Variants in RBFOX1 observed in about 807,000 individuals in gnomAD.
RBFOX1 encodes RNA binding protein fox-1 homolog 1.
In RBFOX1, 8 loss-of-function variants were observed where a neutral mutation model predicts 57.7. That is an observed-to-expected ratio of 0.14 (90% confidence interval 0.08 to 0.25). RBFOX1 has a LOEUF of 0.25. Among genes scored for constraint, RBFOX1 ranks in the 10% least tolerant of loss-of-function variants. The probability of loss-of-function intolerance (pLI) is 1.00; values close to 1 mark genes in which losing one functional copy is unlikely to be tolerated. For missense variants in RBFOX1, 611 were observed against 548.5 expected (o/e 1.11, Z -1.14); for synonymous variants, 326 against 222.4 (o/e 1.47, Z -4.15).
chr16:7,386,042 G>C (rs948977942), intron 4 of RBFOX1, among the ~76,000 whole-genome samples: 1 of 151,874 alleles, frequency 6.6e-6, no homozygotes. Context: ...ACACGGCTCA[G>C]CCTCCCAAAG....
At chr16:6,279,664 T>C (rs1036720626) in intron 1 of RBFOX1, among the ~76,000 whole-genome samples, 1 of 152,204 alleles carries the variant, frequency 6.6e-6, no homozygotes, top group Non-Finnish European at 1.5e-5. Context: ...AAACACACTA[T>C]TAACTATTAA....
chr16:7,650,027 A>AGAGGGAAGGACAG (rs1555715976), intron 11 of RBFOX1, among the ~76,000 whole-genome samples: 2 of 58,942 alleles, frequency 3.4e-5, no homozygotes, highest in African/African-American at 9.8e-5. Context: ...AAAGGAAGAA[A>AGAGGGAAGGACAG]GAGGGAGGGA....
intron 4 of RBFOX1, among the ~76,000 whole-genome samples, chr16:7,508,425 T>G (rs1046078244): frequency 6.6e-6 from 1 of 152,146 alleles, no homozygotes; most frequent in African/African-American, 2.4e-5. Flanking sequence ...GGACAAGAGC[T>G]TATGGTTTGT....
intron 3 of RBFOX1, among the ~76,000 whole-genome samples, chr16:6,975,963 T>TA (rs71147629): frequency 2.0e-5 from 3 of 151,842 alleles, no homozygotes; most frequent in Non-Finnish European, 4.4e-5. Flanking sequence ...CCATCTGTAC[T>TA]AAAAAATACA....
chr16:6,032,611 C>T (rs1040593849), intron 1 of RBFOX1, among the ~76,000 whole-genome samples: 1 of 151,980 alleles, frequency 6.6e-6, no homozygotes, highest in Admixed American at 6.6e-5. Context: ...AAATGCTTGT[C>T]TTAAAAAAAG....
At chr16:6,864,115 G>A (rs955883577) in intron 3 of RBFOX1, among the ~76,000 whole-genome samples, 2 of 151,830 alleles carry the variant, frequency 1.3e-5, no homozygotes, top group South Asian at 2.1e-4. Context: ...AGAAGAAAGC[G>A]AAGGAGTCTC....
intron 3 of RBFOX1, among the ~76,000 whole-genome samples, chr16:6,857,452 C>G (rs1169143001): frequency 6.6e-6 from 1 of 152,128 alleles, no homozygotes; most frequent in Non-Finnish European, 1.5e-5. Context: ...AGCCATTTTT[C>G]TATTTACATG....
At chr16:6,138,658 G>A (rs1264412885) in intron 1 of RBFOX1, among the ~76,000 whole-genome samples, 2 of 152,102 alleles carry the variant, frequency 1.3e-5, no homozygotes, top group Non-Finnish European at 2.9e-5. Flanking sequence ...ACGAGGTCAG[G>A]AGATCGACAC....
chr16:5,859,420 G>A (rs1239797794), intron 3 of RBFOX1, among the ~76,000 whole-genome samples: 1 of 152,152 alleles, frequency 6.6e-6, no homozygotes, highest in East Asian at 1.9e-4. Context: ...AAAGATTTTT[G>A]TGTCCCTTTT....
intron 1 of RBFOX1, among the ~76,000 whole-genome samples, chr16:5,458,703 G>A (rs2068703329): frequency 1.3e-5 from 2 of 152,170 alleles, no homozygotes; most frequent in Admixed American, 6.5e-5. Flanking sequence ...GGAATTTTAA[G>A]TTTTGGCTAT....
At chr16:6,567,094 C>T (rs1472740172) in intron 2 of RBFOX1, among the ~76,000 whole-genome samples, 1 of 152,164 alleles carries the variant, frequency 6.6e-6, no homozygotes, top group African/African-American at 2.4e-5. Context: ...GACTGATACT[C>T]TATTAAATGA....
chr16:5,990,536 C>G (rs1490404190), intron 4 of RBFOX1, among the ~76,000 whole-genome samples: 2 of 152,150 alleles, frequency 1.3e-5, no homozygotes, highest in East Asian at 3.9e-4. Context: ...CTGCTACAGC[C>G]TGACTTGTTC....
intron 1 of RBFOX1, among the ~76,000 whole-genome samples, chr16:5,293,808 G>T (rs1308983171): frequency 2.0e-5 from 3 of 151,772 alleles, no homozygotes; most frequent in African/African-American, 4.8e-5. Flanking sequence ...TGGGGGGGCG[G>T]GGGGTGTTAA....
intron 2 of RBFOX1, among the ~76,000 whole-genome samples, chr16:5,557,477 A>G (rs539851395): frequency 8.5e-5 from 13 of 152,136 alleles, no homozygotes; most frequent in African/African-American, 3.1e-4. Context: ...GCATAATATG[A>G]CGAAACAGGT....
chr16:6,946,146 A>T (rs919591849), intron 3 of RBFOX1, among the ~76,000 whole-genome samples: 6 of 152,240 alleles, frequency 3.9e-5, no homozygotes, highest in Non-Finnish European at 8.8e-5. Flanking sequence ...CAAGTGGGAT[A>T]ACTCATGATT....
At chr16:6,161,922 C>T (rs903855809) in intron 1 of RBFOX1, among the ~76,000 whole-genome samples, 1 of 152,210 alleles carries the variant, frequency 6.6e-6, no homozygotes, top group Non-Finnish European at 1.5e-5. Context: ...GCCAAATAAA[C>T]CTTCAGAAAC....
chr16:6,864,485 A>C (rs1354990790), intron 3 of RBFOX1, among the ~76,000 whole-genome samples: 1 of 152,102 alleles, frequency 6.6e-6, no homozygotes, highest in East Asian at 1.9e-4. Context: ...CATAATCTCA[A>C]ATTAACACAT....
chr16:6,911,503 C>T lies in RBFOX1; in HGVS notation c.-15-140554C>T, dbSNP rs184177669. 1.6e-3 allele frequency among the ~76,000 whole-genome samples: 238 copies of T among 152,232 alleles called. 2 individuals carry two copies. Among genetic ancestry groups the T allele is most frequent in the African/African-American group, 5.4e-3 (225 of 41,542 alleles). On this transcript the variant is annotated intron_variant, in intron 3 of 15. Coordinates refer to ENST00000550418, the MANE Select transcript of RBFOX1 (RefSeq NM_018723.4). Reference sequence around the variant, plus strand: ...CACCTGCATGTGTTCTCCCCATAAGCATGTCTGTCTCCCTGTCCAAATTTC... The same window carrying T: ...CACCTGCATGTGTTCTCCCCATAAGTATGTCTGTCTCCCTGTCCAAATTTC...
chr16:7,320,406 T>G (rs1603620099), intron 4 of RBFOX1, among the ~76,000 whole-genome samples: 1 of 152,220 alleles, frequency 6.6e-6, no homozygotes, highest in African/African-American at 2.4e-5. Flanking sequence ...AAAGACATGA[T>G]CTCATCCTTT....
Sources: gnomAD v4.1 joint callset for allele counts (sites outside exome capture counted in the v4.1 genomes callset) on GRCh38, gnomAD v4.1.1 for gene constraint, MANE v1.5 for transcripts, NCBI Gene and HGNC (gene_info 2026-07-23, HGNC 2026-07-21) for gene names.